Variants in ASTN2 observed in about 807,000 individuals in gnomAD.
The protein encoded by ASTN2 is astrotactin 2, also known as astrotactin-2.
Under a neutral mutation model 139.8 loss-of-function variants are expected in ASTN2, and 54 were observed. That is an observed-to-expected ratio of 0.39 (90% CI 0.31 to 0.48). ASTN2 has a LOEUF of 0.48. ASTN2 is among the 20% of genes least tolerant of loss of function. ASTN2 has a pLI of 0.95. For missense variants in ASTN2, 1,565 were observed against 1,725.1 expected (o/e 0.91, Z 1.64); for synonymous variants, 756 against 719.5 (o/e 1.05, Z -0.81).
At chr9:116,984,252 T>C (rs1221428128) in intron 7 of ASTN2, among the ~76,000 whole-genome samples, 1 of 152,226 alleles carries the variant, frequency 6.6e-6, no homozygotes, top group Non-Finnish European at 1.5e-5. Context: ...ATGAACCTAT[T>C]TTCTGTGTCC....
At chr9:117,098,574 C>T (rs550484489) in intron 4 of ASTN2, among the ~76,000 whole-genome samples, 1 of 152,156 alleles carries the variant, frequency 6.6e-6, no homozygotes, top group Admixed American at 6.5e-5. Context: ...GCACACTTCC[C>T]CAATCCCCAG....
intron 11 of ASTN2, among the ~76,000 whole-genome samples, chr9:116,863,015 A>G (rs1322579445): frequency 6.6e-6 from 1 of 152,070 alleles, no homozygotes; most frequent in African/African-American, 2.4e-5. Flanking sequence ...CCCACGCTAG[A>G]TACTAAAATT....
At chr9:117,128,200 C>A (rs551607484) in intron 4 of ASTN2, among the ~76,000 whole-genome samples, 1 of 151,646 alleles carries the variant, frequency 6.6e-6, no homozygotes, top group East Asian at 1.9e-4. Context: ...ATGGTGAAAC[C>A]CTGTCTCTAC....
chr9:116,570,125 C>T (rs1853436872), intron 19 of ASTN2, among the ~76,000 whole-genome samples: 1 of 152,166 alleles, frequency 6.6e-6, no homozygotes, highest in Non-Finnish European at 1.5e-5. Context: ...TCTAGCCTTG[C>T]TTTCTTTATC....
intron 16 of ASTN2, among the ~76,000 whole-genome samples, chr9:116,710,998 A>G (rs1012065115): frequency 6.6e-6 from 1 of 152,178 alleles, no homozygotes; most frequent in Non-Finnish European, 1.5e-5. Flanking sequence ...CATGCATATT[A>G]CCTTGCCTGA....
At chr9:117,074,659 A>AG (rs1198472243) in intron 5 of ASTN2, among the ~76,000 whole-genome samples, 1 of 152,170 alleles carries the variant, frequency 6.6e-6, no homozygotes, top group Non-Finnish European at 1.5e-5. Flanking sequence ...CTGCAGCTAC[A>AG]GGGACCACAG....
At chr9:116,541,995 G>A (rs1436617624) in intron 19 of ASTN2, among the ~76,000 whole-genome samples, 1 of 152,146 alleles carries the variant, frequency 6.6e-6, no homozygotes, top group Admixed American at 6.6e-5. Context: ...TATCGACACA[G>A]TCAAGAAACA....
intron 11 of ASTN2, among the ~76,000 whole-genome samples, chr9:116,856,905 A>G (rs73655502): frequency 1.5e-3 from 233 of 152,284 alleles, no homozygotes; most frequent in African/African-American, 5.3e-3. Flanking sequence ...CTCCTGAAAG[A>G]CACCATCACT....
intron 19 of ASTN2, among the ~76,000 whole-genome samples, chr9:116,489,495 C>A (rs1243671577): frequency 6.6e-6 from 1 of 152,122 alleles, no homozygotes; most frequent in Non-Finnish European, 1.5e-5. Flanking sequence ...CACCACCACA[C>A]CCAGCTGACT....
intron 20 of ASTN2, among the ~76,000 whole-genome samples, chr9:116,486,883 T>C (rs1043592498): frequency 6.6e-6 from 1 of 151,912 alleles, no homozygotes; most frequent in Non-Finnish European, 1.5e-5. Flanking sequence ...GCTGGATCTA[T>C]TAATAAAAAA....
At chr9:117,125,829 C>CGG (rs11423468) in intron 4 of ASTN2, among the ~76,000 whole-genome samples, 80 of 143,554 alleles carry the variant, frequency 5.6e-4, no homozygotes, top group Middle Eastern at 3.6e-3. Flanking sequence ...TTCATTGCGG[C>CGG]GGGGGGGGGA....
intron 19 of ASTN2, among the ~76,000 whole-genome samples, chr9:116,516,236 G>C (rs920514986): frequency 6.6e-6 from 1 of 152,112 alleles, no homozygotes; most frequent in Admixed American, 6.5e-5. Context: ...AATATCTACT[G>C]TTTCAGACTC....
intron 1 of ASTN2, among the ~76,000 whole-genome samples, chr9:117,358,266 A>G (rs1358026790): frequency 1.3e-5 from 1 of 75,584 alleles, no homozygotes; most frequent in African/African-American, 4.4e-5. Flanking sequence ...GTGCAGACAC[A>G]CACACACACA....
intron 10 of ASTN2, among the ~76,000 whole-genome samples, chr9:116,953,529 C>T (rs1050057071): frequency 6.6e-6 from 1 of 152,220 alleles, no homozygotes; most frequent in African/African-American, 2.4e-5. Flanking sequence ...AGTTAATTTT[C>T]TAGCTCCTGG....
At chr9:117,336,951 G>A (rs780269582) in intron 1 of ASTN2, among the ~76,000 whole-genome samples, 5 of 152,110 alleles carry the variant, frequency 3.3e-5, no homozygotes, top group Admixed American at 6.5e-5. Flanking sequence ...TGGCTCCTCC[G>A]TTTTTCCTCT....
At chr9:117,064,636 C>T (rs184272286) in intron 5 of ASTN2, among the ~76,000 whole-genome samples, 8 of 152,074 alleles carry the variant, frequency 5.3e-5, no homozygotes, top group African/African-American at 1.9e-4. Flanking sequence ...GAATAATAGA[C>T]ATTGGAGACT....
At chr9:116,571,877 C>T (rs992993300) in intron 19 of ASTN2, among the ~76,000 whole-genome samples, 1 of 152,080 alleles carries the variant, frequency 6.6e-6, no homozygotes, top group Non-Finnish European at 1.5e-5. Flanking sequence ...TTGAATGTCC[C>T]TGTTGGGTGA....
At chr9:116,840,094 C>T (rs1270371059) in intron 11 of ASTN2, among the ~76,000 whole-genome samples, 1 of 148,122 alleles carries the variant, frequency 6.8e-6, no homozygotes, top group Admixed American at 6.7e-5. Context: ...GAGCATGCTG[C>T]CTTCAAGCAT....
At chr9:117,068,953 A>T (rs1828030687) in intron 5 of ASTN2, among the ~76,000 whole-genome samples, 1 of 103,114 alleles carries the variant, frequency 9.7e-6, no homozygotes, top group South Asian at 4.6e-4. Flanking sequence ...TCCTTTCAAA[A>T]AACCAGCTCC....
Sources: gnomAD v4.1 joint callset for allele counts (sites outside exome capture counted in the v4.1 genomes callset) on GRCh38, gnomAD v4.1.1 for gene constraint, MANE v1.5 for transcripts, NCBI Gene and HGNC (gene_info 2026-07-23, HGNC 2026-07-21) for gene names.